Variants in CNTNAP2 observed in about 807,000 individuals in gnomAD.
CNTNAP2 encodes the protein contactin associated protein 2, also known as contactin-associated protein-like 2.
In CNTNAP2, 98 loss-of-function variants were observed where a neutral mutation model predicts 155.2. The observed-to-expected ratio is 0.63, with a 90% confidence interval of 0.54 to 0.75. The LOEUF is 0.75. Among genes scored for constraint, CNTNAP2 ranks in the 30% least tolerant of loss-of-function variants. CNTNAP2 has a pLI of 0.00. For missense variants in CNTNAP2, 1,727 were observed against 1,688.1 expected, an observed-to-expected ratio of 1.02 and a Z score of -0.40; for synonymous variants, 651 against 631.2, an observed-to-expected ratio of 1.03 and a Z score of -0.47.
At chr7:146,887,877 G>C (rs1386418384) in intron 3 of CNTNAP2, among the ~76,000 whole-genome samples, 1 of 152,056 alleles carries the variant, frequency 6.6e-6, no homozygotes, top group East Asian at 1.9e-4. Context: ...TAGTCAAAAA[G>C]AATTTATCTA....
chr7:146,252,613 A>G (rs762288036), intron 1 of CNTNAP2, among the ~76,000 whole-genome samples: 11 of 152,236 alleles, frequency 7.2e-5, no homozygotes, highest in Admixed American at 6.5e-4. Context: ...GTCTGAAAGC[A>G]AGCTTGGAGA....
At chr7:147,225,786 GGAAGGAAGGAAGGAAAGAAA>G (rs1803512558) in intron 8 of CNTNAP2, among the ~76,000 whole-genome samples, 1 of 94,884 alleles carries the variant, frequency 1.1e-5, no homozygotes, top group Admixed American at 1.0e-4. Context: ...AAGGAAGGAA[GGAAGGAAGGAAGGAAAGAAA>G]GAAAGAAGGA....
chr7:147,268,424 C>A (rs1344850178), intron 8 of CNTNAP2, among the ~76,000 whole-genome samples: 1 of 152,142 alleles, frequency 6.6e-6, no homozygotes, highest in African/African-American at 2.4e-5. Context: ...AGGAAGGAAA[C>A]ACCACGTGTT....
intron 1 of CNTNAP2, among the ~76,000 whole-genome samples, chr7:146,399,105 T>C (rs1010854805): frequency 3.9e-5 from 6 of 152,146 alleles, no homozygotes; most frequent in East Asian, 3.9e-4. Context: ...GTATACAACA[T>C]TGTGTTTTAA....
At chr7:147,962,147 G>A (rs1801129079) in intron 14 of CNTNAP2, among the ~76,000 whole-genome samples, 3 of 152,234 alleles carry the variant, frequency 2.0e-5, no homozygotes, top group Admixed American at 2.0e-4. Context: ...AGACCAGGCA[G>A]TGCCTGGAAT....
chr7:146,920,369 C>T (rs1393353334), intron 3 of CNTNAP2, among the ~76,000 whole-genome samples: 1 of 151,572 alleles, frequency 6.6e-6, no homozygotes, highest in Non-Finnish European at 1.5e-5. Flanking sequence ...AGCTGAGATT[C>T]CACGCCATTG....
At chr7:147,785,423 C>T (rs898357294) in intron 13 of CNTNAP2, among the ~76,000 whole-genome samples, 1 of 152,050 alleles carries the variant, frequency 6.6e-6, no homozygotes, top group Non-Finnish European at 1.5e-5. Context: ...TATGGAGCTT[C>T]TTGGTGCCCT....
chr7:146,998,561 A>G lies in CNTNAP2; in HGVS notation c.403-45346A>G, dbSNP rs113844970. On this transcript the variant is annotated intron_variant, in intron 3 of 23. Transcript: ENST00000361727. ...CTGCTATATTCATTTAGTCAGTAGG[A>G]CAGTTTCAACATGATGTTTCTATGT... Among the ~76,000 whole-genome samples the G allele has an allele frequency of 4.7e-4, 72 of 152,056 alleles. 1 individual carries two copies. Among genetic ancestry groups the G allele is most frequent in the African/African-American group, 1.7e-3 (69 of 41,512 alleles).
At chr7:146,488,043 C>T (rs1797082156) in intron 1 of CNTNAP2, among the ~76,000 whole-genome samples, 1 of 152,072 alleles carries the variant, frequency 6.6e-6, no homozygotes, top group South Asian at 2.1e-4. Context: ...TAGATTTAGC[C>T]CACTCTTCAG....
At chr7:146,870,330 A>G (rs565810570) in intron 3 of CNTNAP2, among the ~76,000 whole-genome samples, 2 of 152,160 alleles carry the variant, frequency 1.3e-5, no homozygotes, top group African/African-American at 4.8e-5. Context: ...GTGTTCAGCA[A>G]TGTATCCATC....
At chr7:147,934,328 G>A (rs372837961) in intron 14 of CNTNAP2, among the ~76,000 whole-genome samples, 2 of 152,322 alleles carry the variant, frequency 1.3e-5, no homozygotes, top group African/African-American at 4.8e-5. Flanking sequence ...AGTCATGGCA[G>A]AAGGCAAGGA....
At chr7:146,240,953 A>C (rs767553276) in intron 1 of CNTNAP2, among the ~76,000 whole-genome samples, 1 of 152,186 alleles carries the variant, frequency 6.6e-6, no homozygotes, top group African/African-American at 2.4e-5. Context: ...GCTTTTACTC[A>C]TGGCAGAAGG....
intron 12 of CNTNAP2, among the ~76,000 whole-genome samples, chr7:147,619,924 G>A (rs578211265): frequency 6.6e-6 from 1 of 152,200 alleles, no homozygotes; most frequent in Non-Finnish European, 1.5e-5. Context: ...AATCCTAGTG[G>A]TGGTGGCCAA....
At chr7:148,091,301 G>C (rs1803836067) in intron 15 of CNTNAP2, among the ~76,000 whole-genome samples, 1 of 152,154 alleles carries the variant, frequency 6.6e-6, no homozygotes, top group South Asian at 2.1e-4. Context: ...AATGTGTACT[G>C]TGTATGTACA....
At chr7:147,735,337 T>G (rs1281112644) in intron 13 of CNTNAP2, among the ~76,000 whole-genome samples, 6 of 152,180 alleles carry the variant, frequency 3.9e-5, no homozygotes, top group Non-Finnish European at 5.9e-5. Flanking sequence ...TGGTTTTGAG[T>G]GAGTTTCTTA....
intron 13 of CNTNAP2, among the ~76,000 whole-genome samples, chr7:147,803,137 G>C (rs1338277939): frequency 6.6e-6 from 1 of 152,148 alleles, no homozygotes; most frequent in Non-Finnish European, 1.5e-5. Context: ...GACCAAACCA[G>C]TTTAAAAATG....
At chr7:148,322,941 C>A (rs1024311935) in intron 21 of CNTNAP2, among the ~76,000 whole-genome samples, 1 of 152,096 alleles carries the variant, frequency 6.6e-6, no homozygotes, top group African/African-American at 2.4e-5. Context: ...CCTGAAATCG[C>A]CCCAAAAATG....
At chr7:147,687,757 A>G (rs1297330504) in intron 13 of CNTNAP2, among the ~76,000 whole-genome samples, 1 of 152,144 alleles carries the variant, frequency 6.6e-6, no homozygotes, top group Non-Finnish European at 1.5e-5. Flanking sequence ...TAAGAGCATG[A>G]GGAAGAGAGA....
At chr7:147,239,989 G>T (rs1462347165) in intron 8 of CNTNAP2, among the ~76,000 whole-genome samples, 2 of 152,096 alleles carry the variant, frequency 1.3e-5, no homozygotes, top group Non-Finnish European at 2.9e-5. Flanking sequence ...ATGAGATTTT[G>T]GTGTATCCAT....
Sources: allele counts gnomAD v4.1 joint callset (sites outside exome capture counted in the v4.1 genomes callset), GRCh38; gene constraint gnomAD v4.1.1; transcripts MANE v1.5; gene names NCBI Gene and HGNC (gene_info 2026-07-23, HGNC 2026-07-21).